UGT1A8: variants seen among roughly 807,000 people sequenced by gnomAD.
The protein encoded by UGT1A8 is UDP glucuronosyltransferase family 1 member A8.
UGT1A8 carries 39 observed loss-of-function variants against 45.3 expected under a neutral mutation model. The ratio of observed to expected loss-of-function variants is 0.86; its 90% CI spans 0.67 to 1.12. The LOEUF (loss-of-function observed/expected upper bound fraction) is 1.12, where lower values mean the gene tolerates loss of function less well. Among genes scored for constraint, UGT1A8 ranks in the 50% most tolerant of loss-of-function variants. The probability of loss-of-function intolerance (pLI) is 0.00; values close to 1 mark genes in which losing one functional copy is unlikely to be tolerated. For synonymous variants in UGT1A8, 275 were observed against 249.2 expected (o/e 1.10, Z -0.97); for missense variants, 719 against 664.9 (o/e 1.08, Z -0.90).
chr2:233,716,515 C>G (rs915755081), intron 1 of UGT1A8, among the ~76,000 whole-genome samples: 1 of 152,192 alleles, frequency 6.6e-6, no homozygotes, highest in Admixed American at 6.5e-5. Flanking sequence ...GAGCTCTCAG[C>G]TTACCATTCA....
intron 1 of UGT1A8, among the ~76,000 whole-genome samples, chr2:233,669,208 A>G (rs536406526): frequency 1.3e-5 from 2 of 152,332 alleles, no homozygotes; most frequent in African/African-American, 4.8e-5. Flanking sequence ...ATATTTGATT[A>G]CTATAGATTT....
intron 1 of UGT1A8, chr2:233,729,826 C>T (rs1653998510): frequency 6.2e-7 from 1 of 1,613,940 alleles, no homozygotes; most frequent in Non-Finnish European, 8.5e-7. Flanking sequence ...TTATGCAAGC[C>T]TTGCCTCTGA....
rs190315696 is a variant in UGT1A8 at position 233,744,277 on chromosome 2, A to G, written c.856-22757A>G. On this transcript the variant is annotated intron_variant, in intron 1 of 4. Transcript: ENST00000373450. Reference sequence around the variant, plus strand: ...AACTGTTTTTCTTAAAGTAGGCTTTATATCAGTCTTTTTCCTCGGCCACAG... The same window carrying G: ...AACTGTTTTTCTTAAAGTAGGCTTTGTATCAGTCTTTTTCCTCGGCCACAG... 2.4e-3 allele frequency among the ~76,000 whole-genome samples: 368 copies of G among 151,920 alleles called. 17 individuals carry two copies. Among genetic ancestry groups the G allele is most frequent in the African/African-American group, 8.5e-3 (350 of 41,184 alleles).
intron 4 of UGT1A8, chr2:233,771,391 T>C (rs562546600): frequency 6.6e-6 from 1 of 152,294 alleles, no homozygotes; most frequent in East Asian, 1.9e-4. Flanking sequence ...GATGTTCTGA[T>C]TGGGCAATGA....
intron 1 of UGT1A8, among the ~76,000 whole-genome samples, chr2:233,761,487 C>T (rs1012485766): frequency 1.3e-5 from 2 of 152,232 alleles, no homozygotes; most frequent in East Asian, 1.9e-4. Flanking sequence ...GAAGCCTGCA[C>T]CTTGCCCTGG....
intron 1 of UGT1A8, chr2:233,713,993 T>C: frequency 6.4e-7 from 1 of 1,564,404 alleles, no homozygotes; most frequent in Non-Finnish European, 8.7e-7. Context: ...TGTAATAGTC[T>C]TCAGTGAGAT....
chr2:233,769,790 G>A lies in UGT1A8; in HGVS notation c.1295+1351G>A. On this transcript the variant is annotated intron_variant, in intron 4 of 4. Transcript: ENST00000373450. The surrounding 1 kb of genome is among the most constrained non-coding windows in gnomAD (Gnocchi z 4.4). ...GGATTGCTTGAGCCCAGAAGTTGGA[G>A]GCTGCTATGAGCCGTGATCATGCCA... is the stretch of plus-strand genomic sequence containing the variant. 7.7e-7 allele frequency: 1 copy of A among 1,301,106 alleles called. No individual in the cohort carries two copies. Among genetic ancestry groups the A allele is most frequent in the Non-Finnish European group, 1.0e-6 (1 of 985,722 alleles). The allele number at this position is 1,301,106 out of a possible 1,614,324, so 80.6% of individuals were successfully genotyped here. A position where few individuals can be genotyped will look rare whatever the true frequency, so the allele number is the denominator to read the frequency against.
intron 1 of UGT1A8, among the ~76,000 whole-genome samples, chr2:233,645,094 A>G (rs761752760): frequency 2.6e-5 from 4 of 152,200 alleles, no homozygotes; most frequent in Non-Finnish European, 5.9e-5. Flanking sequence ...AAAGAACTTT[A>G]AAAAACAATC....
chr2:233,755,013 G>C, intron 1 of UGT1A8: 1 of 1,294,530 alleles, frequency 7.7e-7, no homozygotes, highest in Non-Finnish European at 1.0e-6. Context: ...CTACTCGAAG[G>C]GGTCCTTGAA....
intron 1 of UGT1A8, among the ~76,000 whole-genome samples, chr2:233,630,682 C>T (rs1472437871): frequency 3.3e-5 from 5 of 152,024 alleles, no homozygotes; most frequent in Non-Finnish European, 7.4e-5. Flanking sequence ...ATGGCAAGAG[C>T]AGGAGCAAGA....
intron 1 of UGT1A8, among the ~76,000 whole-genome samples, chr2:233,694,835 G>A (rs577816830): frequency 6.6e-5 from 10 of 152,200 alleles, no homozygotes; most frequent in Non-Finnish European, 1.3e-4. Context: ...AACATAGAAT[G>A]TCAGGATTCT....
chr2:233,677,076 T>C (rs1181968408), intron 1 of UGT1A8, among the ~76,000 whole-genome samples: 3 of 152,168 alleles, frequency 2.0e-5, no homozygotes, highest in African/African-American at 7.2e-5. Flanking sequence ...CATTAATGTG[T>C]GCAAAAATCC....
chr2:233,674,514 C>G (rs1159534738), intron 1 of UGT1A8, among the ~76,000 whole-genome samples: 1 of 152,100 alleles, frequency 6.6e-6, no homozygotes, highest in African/African-American at 2.4e-5. Context: ...TTTATTGTGC[C>G]TCACAGCGTC....
At chr2:233,712,199 C>G (rs923606467) in intron 1 of UGT1A8, among the ~76,000 whole-genome samples, 3 of 152,228 alleles carry the variant, frequency 2.0e-5, no homozygotes, top group Non-Finnish European at 2.9e-5. Context: ...CCCCCGGTCC[C>G]TTGGTGAGCA....
Position 233,618,496 on chromosome 2 carries a change from A to G in UGT1A8, c.789A>G (p.Lys263=), listed in dbSNP as rs1330538590. Residue 263 remains lysine, a synonymous_variant, in exon 1 of 5, where the codon AAA becomes AAG. Coordinates refer to ENST00000373450, the MANE Select transcript of UGT1A8 (RefSeq NM_019076.5). The stretch of plus-strand genomic sequence containing the variant: ...CAGACTTTGTTTTGGACTATCCCAA[A>G]CCCGTGATGCCCAATATGATCTTCA... ...LRTDFVLDYP[K]PVMPNMIFIG... The G allele has an allele frequency of 6.2e-7, 1 of 1,613,806 alleles. No individual in the cohort carries two copies. Among genetic ancestry groups the G allele is most frequent in the East Asian group, 2.2e-5 (1 of 44,884 alleles).
At chr2:233,755,155 T>A (rs921927491) in intron 1 of UGT1A8, 1 of 1,293,270 alleles carries the variant, frequency 7.7e-7, no homozygotes, top group Non-Finnish European at 1.0e-6. Flanking sequence ...GCTTCCTCCC[T>A]GTCCTCGGGG....
At chr2:233,747,112 G>A (rs896483290) in intron 1 of UGT1A8, 4 of 1,422,320 alleles carry the variant, frequency 2.8e-6, no homozygotes, top group African/African-American at 2.9e-5. Flanking sequence ...ATTACATGAT[G>A]ATTTGCTAAG....
intron 1 of UGT1A8, chr2:233,740,766 G>T (rs189465133): frequency 6.6e-6 from 1 of 151,710 alleles, no homozygotes; most frequent in Admixed American, 6.5e-5. Context: ...TTATCAAACC[G>T]TTGTATAAAA....
At chr2:233,697,174 G>A (rs181494492) in intron 1 of UGT1A8, among the ~76,000 whole-genome samples, 191 of 152,138 alleles carry the variant, frequency 1.3e-3, no homozygotes, top group African/African-American at 4.5e-3. Flanking sequence ...TTTAAAAATG[G>A]TTGGTAGAAT....
Sources: gnomAD v4.1 joint callset for allele counts (sites outside exome capture counted in the v4.1 genomes callset) on GRCh38, gnomAD v4.1.1 for gene constraint, Gnocchi (gnomAD v3.1) non-coding constraint, MANE v1.5 for transcripts, NCBI Gene and HGNC (gene_info 2026-07-23, HGNC 2026-07-21) for gene names.